THSD7B: variants seen among roughly 807,000 people sequenced by gnomAD.
THSD7B encodes the protein thrombospondin type-1 domain-containing protein 7B.
A neutral mutation model predicts 213.6 loss-of-function variants in THSD7B; 138 were observed. The observed-to-expected ratio is 0.65, with a 90% confidence interval of 0.56 to 0.74. The LOEUF (loss-of-function observed/expected upper bound fraction) is 0.74, where lower values mean the gene tolerates loss of function less well. THSD7B is among the 30% of genes least tolerant of loss of function. The pLI is 0.00. For missense variants in THSD7B, 1,931 were observed against 1,991.5 expected (o/e 0.97, Z 0.58); for synonymous variants, 742 against 687.0 (o/e 1.08, Z -1.25).
chr2:136,864,615 C>G lies in THSD7B; in HGVS notation c.-35-17529C>G, dbSNP rs541892247. On this transcript the variant is annotated intron_variant, in intron 1 of 27. Transcript: ENST00000409968. ...TTGCCCAGGCTGGAGTGCAGTGGTG[C>G]GATCTCAGCTCACTGCAAGCTCCAC... Among the ~76,000 whole-genome samples the G allele has an allele frequency of 2.6e-5, 4 of 151,518 alleles. No individual in the cohort carries two copies. In the South Asian group the frequency reaches 8.4e-4, roughly 32 times the overall value.
chr2:136,855,055 G>A (rs1558827112), intron 1 of THSD7B, among the ~76,000 whole-genome samples: 1 of 152,156 alleles, frequency 6.6e-6, no homozygotes, highest in African/African-American at 2.4e-5. Context: ...GCCTCTGATG[G>A]ATTTGTGGTT....
intron 12 of THSD7B, among the ~76,000 whole-genome samples, chr2:137,284,087 G>T (rs1017612763): frequency 1.3e-5 from 2 of 152,062 alleles, no homozygotes; most frequent in Admixed American, 6.5e-5. Context: ...GCCTGTTATT[G>T]GTCTATTCAG....
At chr2:136,866,407 G>T (rs1683333870) in intron 1 of THSD7B, among the ~76,000 whole-genome samples, 1 of 152,000 alleles carries the variant, frequency 6.6e-6, no homozygotes, top group African/African-American at 2.4e-5. Context: ...AGGTCTGTAG[G>T]AAGCTATATT....
chr2:137,259,187 T>C (rs548339439), intron 10 of THSD7B, among the ~76,000 whole-genome samples: 1 of 152,332 alleles, frequency 6.6e-6, no homozygotes, highest in South Asian at 2.1e-4. Flanking sequence ...TTATAATCCT[T>C]TGGGTATATA....
chr2:137,319,740 A>G (rs1684221889), intron 12 of THSD7B, among the ~76,000 whole-genome samples: 1 of 152,184 alleles, frequency 6.6e-6, no homozygotes, highest in South Asian at 2.1e-4. Context: ...TTATTCCCTA[A>G]TAACACAAAC....
intron 10 of THSD7B, among the ~76,000 whole-genome samples, chr2:137,264,525 G>T (rs975022582): frequency 4.6e-5 from 7 of 152,092 alleles, no homozygotes; most frequent in African/African-American, 1.7e-4. Context: ...TGGAATTACA[G>T]GCGTGAGCCA....
At chr2:137,315,801 A>C (rs1684085353) in intron 12 of THSD7B, among the ~76,000 whole-genome samples, 1 of 152,170 alleles carries the variant, frequency 6.6e-6, no homozygotes, top group South Asian at 2.1e-4. Context: ...CATGAGTTCA[A>C]AAGCTGCCTG....
intron 6 of THSD7B, among the ~76,000 whole-genome samples, chr2:137,164,298 A>G (rs1046742146): frequency 1.3e-5 from 2 of 152,210 alleles, no homozygotes; most frequent in Admixed American, 1.3e-4. Context: ...ATCACTGGCC[A>G]TCAGAGAAAT....
chr2:137,388,211 C>CATGTACTA (rs112015562), intron 12 of THSD7B, among the ~76,000 whole-genome samples: 4,459 of 152,064 alleles, frequency 0.029, 229 homozygotes, highest in African/African-American at 0.1. Flanking sequence ...TCCCAGGGCT[C>CATGTACTA]ATGTACTAAG....
intron 1 of THSD7B, among the ~76,000 whole-genome samples, chr2:136,794,301 T>A (rs58526602): frequency 0.11 from 16,222 of 151,780 alleles, 983 homozygotes; most frequent in South Asian, 0.2. Context: ...GCTTAGATAA[T>A]TGATCTTTTA....
chr2:136,816,090 G>T (rs985831958), intron 1 of THSD7B, among the ~76,000 whole-genome samples: 1 of 152,076 alleles, frequency 6.6e-6, no homozygotes, highest in Non-Finnish European at 1.5e-5. Context: ...TCACCATGTT[G>T]CCCAGGCTAG....
intron 7 of THSD7B, among the ~76,000 whole-genome samples, chr2:137,219,039 C>T (rs541070314): frequency 7.3e-5 from 11 of 151,684 alleles, no homozygotes; most frequent in Non-Finnish European, 1.5e-4. Context: ...AATTAGTTTG[C>T]AAGATTTTGA....
intron 2 of THSD7B, among the ~76,000 whole-genome samples, chr2:136,939,214 G>A (rs939401773): frequency 4.6e-5 from 7 of 152,084 alleles, no homozygotes; most frequent in African/African-American, 1.7e-4. Context: ...CATTTCTTAA[G>A]TGTAACCAAT....
chr2:137,193,987 A>T (rs968983534), intron 7 of THSD7B, among the ~76,000 whole-genome samples: 4 of 151,928 alleles, frequency 2.6e-5, no homozygotes, highest in Non-Finnish European at 4.4e-5. Flanking sequence ...GAGCTAATGG[A>T]CTCACCCAAC....
chr2:137,208,409 A>C (rs1197812978), intron 7 of THSD7B, among the ~76,000 whole-genome samples: 2 of 148,354 alleles, frequency 1.3e-5, no homozygotes, highest in African/African-American at 5.0e-5. Context: ...AAATTTGTTT[A>C]ATCCTAAACG....
intron 6 of THSD7B, among the ~76,000 whole-genome samples, chr2:137,160,699 C>G (rs1465076726): frequency 6.6e-6 from 1 of 152,248 alleles, no homozygotes; most frequent in East Asian, 1.9e-4. Flanking sequence ...TCTTGGCTCA[C>G]TGCAATCTCT....
At chr2:137,031,813 A>G (rs903416885) in intron 2 of THSD7B, among the ~76,000 whole-genome samples, 3 of 150,174 alleles carry the variant, frequency 2.0e-5, no homozygotes, top group Admixed American at 6.7e-5. Flanking sequence ...CTGGCCAACC[A>G]TGGCATGCTT....
intron 12 of THSD7B, among the ~76,000 whole-genome samples, chr2:137,384,402 T>C (rs931273121): frequency 1.3e-5 from 2 of 152,148 alleles, no homozygotes; most frequent in African/African-American, 2.4e-5. Flanking sequence ...TAAATGCCAC[T>C]TCAGGAGGGA....
intron 5 of THSD7B, among the ~76,000 whole-genome samples, chr2:137,137,779 A>G (rs2104960738): frequency 6.6e-6 from 1 of 152,146 alleles, no homozygotes; most frequent in East Asian, 1.9e-4. Flanking sequence ...CATCCATGTT[A>G]TCCTTTCATT....
Sources: allele counts gnomAD v4.1 joint callset (sites outside exome capture counted in the v4.1 genomes callset), GRCh38; gene constraint gnomAD v4.1.1; transcripts MANE v1.5; gene names NCBI Gene and HGNC (gene_info 2026-07-23, HGNC 2026-07-21).